Variants in TMTC1 observed in about 807,000 individuals in gnomAD.
The protein encoded by TMTC1 is protein O-mannosyl-transferase TMTC1.
A neutral mutation model predicts 104.8 loss-of-function variants in TMTC1; 73 were observed. The observed-to-expected ratio is 0.70, with a 90% confidence interval of 0.58 to 0.85. The LOEUF (loss-of-function observed/expected upper bound fraction) is 0.85. Among genes scored for constraint, TMTC1 ranks in the 40% least tolerant of loss-of-function variants. The pLI is 0.00. For missense variants in TMTC1, 1,035 were observed against 1,096.1 expected (o/e 0.94, Z 0.79); for synonymous variants, 434 against 428.7 (o/e 1.01, Z -0.15).
intron 5 of TMTC1, among the ~76,000 whole-genome samples, chr12:29,720,261 C>A (rs182351502): frequency 2.0e-5 from 3 of 152,342 alleles, no homozygotes; most frequent in African/African-American, 4.8e-5. Context: ...ATTCTCCAAG[C>A]TAGATCCCTG....
chr12:29,753,831 A>C (rs1943149839), intron 4 of TMTC1, among the ~76,000 whole-genome samples: 1 of 152,196 alleles, frequency 6.6e-6, no homozygotes, highest in Non-Finnish European at 1.5e-5. Context: ...GAATGCCTCC[A>C]CTTAAGCAGC....
At chr12:29,710,673 T>C (rs935902098) in intron 5 of TMTC1, among the ~76,000 whole-genome samples, 2 of 141,300 alleles carry the variant, frequency 1.4e-5, no homozygotes, top group Non-Finnish European at 3.0e-5. Context: ...ATTTTTATAT[T>C]TATATATTTA....
At chr12:29,511,180 T>C (rs183658741) in intron 17 of TMTC1, among the ~76,000 whole-genome samples, 1 of 152,364 alleles carries the variant, frequency 6.6e-6, no homozygotes, top group East Asian at 1.9e-4. Flanking sequence ...CACCAGCTAA[T>C]ATATTTTATA....
At chr12:29,519,045 T>C (rs1944072958) in intron 12 of TMTC1, among the ~76,000 whole-genome samples, 1 of 152,188 alleles carries the variant, frequency 6.6e-6, no homozygotes, top group South Asian at 2.1e-4. Context: ...CAATGAACTA[T>C]ACTTCAACAT....
At chr12:29,533,085 A>G (rs1352545726) in intron 11 of TMTC1, 1 of 152,134 alleles carries the variant, frequency 6.6e-6, no homozygotes, top group Admixed American at 6.6e-5. Flanking sequence ...GTTTTCCACA[A>G]GGTTTTCTTC....
At chr12:29,665,486 C>A (rs1185091259) in intron 5 of TMTC1, among the ~76,000 whole-genome samples, 2 of 152,186 alleles carry the variant, frequency 1.3e-5, no homozygotes, top group African/African-American at 4.8e-5. Context: ...ACTTGGTCCT[C>A]AAATCCTATT....
In TMTC1 at chr12:29,623,989, G is replaced by GT. The variant is rs1184046367; in HGVS notation, c.1128+9157dup. On this transcript the variant is annotated intron_variant, in intron 6 of 17. Coordinates refer to ENST00000539277, the MANE Select transcript of TMTC1 (RefSeq NM_001193451.2). ...GACCTGGATTCTCTGTCTTGTTTTT[G>GT]TTTTTGTTTTTTGAGATGGAGTCTC... Among the ~76,000 whole-genome samples the GT allele has an allele frequency of 2.0e-5, 3 of 151,960 alleles. No homozygotes were observed. In the East Asian group the frequency reaches 5.8e-4, roughly 30 times the overall value.
intron 5 of TMTC1, among the ~76,000 whole-genome samples, chr12:29,751,441 C>T (rs578118726): frequency 6.6e-6 from 1 of 152,108 alleles, no homozygotes; most frequent in East Asian, 1.9e-4. Context: ...AGGCAGGCAG[C>T]AGGGCTTCCA....
chr12:29,585,282 G>C (rs140606510), intron 7 of TMTC1, among the ~76,000 whole-genome samples: 6,426 of 152,146 alleles, frequency 0.042, 453 homozygotes, highest in African/African-American at 0.15. Flanking sequence ...CTTTTTGATG[G>C]GGTTGTTTGT....
At chr12:29,610,337 A>G (rs982357019) in intron 6 of TMTC1, among the ~76,000 whole-genome samples, 1 of 152,238 alleles carries the variant, frequency 6.6e-6, no homozygotes, top group Admixed American at 6.5e-5. Context: ...CACCGAGGCT[A>G]TAAGAAATTT....
chr12:29,512,234 C>A (rs1221975966), intron 16 of TMTC1, 114 bp from the exon 17 acceptor site: 4 of 738,568 alleles, frequency 5.4e-6, no homozygotes, highest in Non-Finnish European at 4.4e-6. Context: ...TGAAACCAGC[C>A]GCTACTAGTT....
rs112570774 is a variant in TMTC1, at chr12:29,767,937, C to T, written c.441G>A (p.Thr147=). 6.8e-6 allele frequency: 11 copies of T among 1,613,662 alleles called. No individual in the cohort carries two copies. Among genetic ancestry groups the T allele is most frequent in the East Asian group, 2.2e-5 (1 of 44,848 alleles). The change falls in exon 2 of 18, where the codon ACG becomes ACA. Residue 147 remains threonine (T), a synonymous_variant. Coordinates refer to ENST00000539277, the MANE Select transcript of TMTC1 (RefSeq NM_001193451.2). The part of the protein sequence containing the change: ...VFKNRGLAFV[T]ALLFAVHPIH... ...TAGGATGTACAGCAAAAAGCAATGC[C>T]GTTACAAAAGCAAGTCCACGATTCT...
At chr12:29,649,192 G>A (rs948346713) in intron 5 of TMTC1, among the ~76,000 whole-genome samples, 1 of 152,084 alleles carries the variant, frequency 6.6e-6, no homozygotes, top group Non-Finnish European at 1.5e-5. Flanking sequence ...TGGCCTCTAT[G>A]TCTACTCACC....
chr12:29,609,685 A>C (rs998755273), intron 6 of TMTC1, among the ~76,000 whole-genome samples: 3 of 152,256 alleles, frequency 2.0e-5, no homozygotes, highest in Admixed American at 6.5e-5. Context: ...GAAGCCAAGA[A>C]GAACGCTTTC....
chr12:29,745,094 A>AT (rs1942917154), intron 5 of TMTC1, among the ~76,000 whole-genome samples: 1 of 151,896 alleles, frequency 6.6e-6, no homozygotes, highest in East Asian at 1.9e-4. Context: ...CCCAACTTTA[A>AT]TTTTTTTTAT....
At chr12:29,697,670 G>A (rs1941464218) in intron 5 of TMTC1, among the ~76,000 whole-genome samples, 1 of 152,192 alleles carries the variant, frequency 6.6e-6, no homozygotes, top group Admixed American at 6.5e-5. Flanking sequence ...AAAGACACAG[G>A]AGAGTCAATG....
chr12:29,585,272 C>A (rs950980060), intron 7 of TMTC1, among the ~76,000 whole-genome samples: 6 of 152,174 alleles, frequency 3.9e-5, no homozygotes, highest in African/African-American at 1.4e-4. Flanking sequence ...CCTTTGCCCA[C>A]TTTTTGATGG....
intron 9 of TMTC1, among the ~76,000 whole-genome samples, chr12:29,571,083 T>C (rs1009757990): frequency 6.6e-6 from 1 of 152,124 alleles, no homozygotes; most frequent in African/African-American, 2.4e-5. Context: ...CATGATTTGG[T>C]TGGTAGACGT....
intron 10 of TMTC1, among the ~76,000 whole-genome samples, chr12:29,546,358 T>A (rs75577096): frequency 0.021 from 3,139 of 152,218 alleles, 105 homozygotes; most frequent in African/African-American, 0.07. Context: ...AGGCAAGGCA[T>A]GAAAACACCA....
Sources: allele counts gnomAD v4.1 joint callset (sites outside exome capture counted in the v4.1 genomes callset), GRCh38; gene constraint gnomAD v4.1.1; transcripts MANE v1.5; gene names NCBI Gene and HGNC (gene_info 2026-07-23, HGNC 2026-07-21).